Variants in SCAPER observed in about 807,000 individuals in gnomAD.
The protein encoded by SCAPER is S phase cyclin A-associated protein in the endoplasmic reticulum.
A neutral mutation model predicts 182.2 loss-of-function variants in SCAPER; 98 were observed. That is an observed-to-expected ratio of 0.54 (90% CI 0.46 to 0.64). SCAPER has a LOEUF of 0.64. Among genes scored for constraint, SCAPER ranks in the 30% least tolerant of loss-of-function variants. The pLI is 0.00. For missense variants in SCAPER, 1,432 were observed against 1,690.0 expected (o/e 0.85, Z 2.68); for synonymous variants, 605 against 564.6 (o/e 1.07, Z -1.01).
rs61586857 is a variant in SCAPER at position 76,397,007 on chromosome 15, G to GT, written c.3467+7516dup. Among the ~76,000 whole-genome samples the GT allele has an allele frequency of 9.3e-3, 1,125 of 121,138 alleles. 10 individuals carry two copies. The highest frequency in any genetic ancestry group is 0.011 in the East Asian group (42 of 3,948). The allele number at this position is 121,138 out of a possible 152,430, so 79.5% of individuals were successfully genotyped here. A position where few individuals can be genotyped will look rare whatever the true frequency, so the allele number is the denominator to read the frequency against. On this transcript the variant is annotated intron_variant, in intron 27 of 31. Coordinates refer to ENST00000563290, the MANE Select transcript of SCAPER (RefSeq NM_020843.4). ...TTCTTCTCAACCCAATTTTTTGAGA[G>GT]TTTTTTTTTTTTTTTTTTTTAAATC... is the stretch of plus-strand genomic sequence containing the variant.
chr15:76,568,374 C>T (rs892838463), intron 23 of SCAPER, among the ~76,000 whole-genome samples: 11 of 151,760 alleles, frequency 7.2e-5, no homozygotes, highest in African/African-American at 2.2e-4. Context: ...CCTCTCCCTG[C>T]GCCACAAGTC....
intron 29 of SCAPER, among the ~76,000 whole-genome samples, chr15:76,359,809 C>G (rs974676238): frequency 2.6e-5 from 4 of 152,202 alleles, no homozygotes; most frequent in African/African-American, 9.7e-5. Context: ...ATTGAATCCT[C>G]CATTGCTCTG....
chr15:76,779,863 G>A (rs2063991345), intron 8 of SCAPER, among the ~76,000 whole-genome samples: 1 of 152,184 alleles, frequency 6.6e-6, no homozygotes, highest in South Asian at 2.1e-4. Context: ...ATTTATTTCA[G>A]ATATGCCATC....
intron 23 of SCAPER, among the ~76,000 whole-genome samples, chr15:76,510,072 A>G (rs967983269): frequency 1.3e-4 from 20 of 152,232 alleles, no homozygotes; most frequent in Non-Finnish European, 2.2e-4. Context: ...TACAAAAATC[A>G]ACTCAAGATG....
chr15:76,699,549 G>A (rs896110491), intron 20 of SCAPER, among the ~76,000 whole-genome samples: 2 of 152,176 alleles, frequency 1.3e-5, no homozygotes, highest in Non-Finnish European at 2.9e-5. Flanking sequence ...ATGCCCTTGA[G>A]GGTTTGACTG....
intron 21 of SCAPER, among the ~76,000 whole-genome samples, chr15:76,638,204 T>C (rs1348994481): frequency 6.6e-6 from 1 of 152,196 alleles, no homozygotes; most frequent in Non-Finnish European, 1.5e-5. Flanking sequence ...TTCTGTTCAG[T>C]AAGGTCATCT....
At chr15:76,396,113 G>C (rs1275151952) in intron 27 of SCAPER, among the ~76,000 whole-genome samples, 2 of 152,024 alleles carry the variant, frequency 1.3e-5, no homozygotes, top group Non-Finnish European at 2.9e-5. Flanking sequence ...TTATGCTCTT[G>C]GCACCTTTGT....
intron 15 of SCAPER, among the ~76,000 whole-genome samples, chr15:76,746,304 T>C (rs2061790857): frequency 6.6e-6 from 1 of 152,224 alleles, no homozygotes; most frequent in African/African-American, 2.4e-5. Context: ...TTACAGTTGA[T>C]CCTCTGCATT....
At chr15:76,687,692 T>C (rs1250378306) in intron 20 of SCAPER, among the ~76,000 whole-genome samples, 12 of 152,192 alleles carry the variant, frequency 7.9e-5, no homozygotes, top group Non-Finnish European at 1.3e-4. Flanking sequence ...CATGCGGTGT[T>C]TGGTTTTCTG....
chr15:76,524,276 G>C (rs2043023017), intron 23 of SCAPER, among the ~76,000 whole-genome samples: 1 of 152,134 alleles, frequency 6.6e-6, no homozygotes, highest in Admixed American at 6.5e-5. Context: ...GTGGAGAATG[G>C]AGAGCCATGG....
At chr15:76,537,771 G>C (rs1033162540) in intron 23 of SCAPER, among the ~76,000 whole-genome samples, 8 of 152,122 alleles carry the variant, frequency 5.3e-5, no homozygotes, top group African/African-American at 1.7e-4. Context: ...TACCATCAGA[G>C]TGAACAGGCA....
intron 5 of SCAPER, among the ~76,000 whole-genome samples, chr15:76,823,660 G>A (rs577641019): frequency 5.3e-5 from 8 of 151,896 alleles, no homozygotes; most frequent in Admixed American, 2.0e-4. Context: ...ACAACCTTCT[G>A]AACAAAGAAG....
chr15:76,790,375 T>C (rs1351517746), intron 8 of SCAPER, among the ~76,000 whole-genome samples: 3 of 152,224 alleles, frequency 2.0e-5, no homozygotes, highest in Admixed American at 1.3e-4. Flanking sequence ...ATTCACGTTA[T>C]TTTTACCTTA....
intron 26 of SCAPER, among the ~76,000 whole-genome samples, chr15:76,424,568 T>G (rs542914694): frequency 9.8e-5 from 15 of 152,320 alleles, no homozygotes; most frequent in African/African-American, 3.6e-4. Context: ...TTGACTCTTA[T>G]CCAATTTGCC....
chr15:76,386,525 G>C (rs1237463020), intron 27 of SCAPER, among the ~76,000 whole-genome samples: 1 of 152,196 alleles, frequency 6.6e-6, no homozygotes, highest in Admixed American at 6.5e-5. Flanking sequence ...TGGTGTGACA[G>C]AGGAGCAAGG....
At chr15:76,452,300 A>G (rs1283712803) in intron 25 of SCAPER, among the ~76,000 whole-genome samples, 3 of 152,322 alleles carry the variant, frequency 2.0e-5, no homozygotes, top group Admixed American at 1.3e-4. Flanking sequence ...CAGTTGTAGT[A>G]GTCTTTTCCC....
In SCAPER at chr15:76,666,388, C is replaced by T. The variant is rs142526863; in HGVS notation, c.2509-599G>A. On this transcript the variant is annotated intron_variant, in intron 20 of 31. Transcript: ENST00000563290. Reference sequence around the variant, plus strand: ...CAGCAAAACTTTGGTTCAGCAAGAGCACATAGTGTTTGGTCAAGTTCCCCT... The same window carrying T: ...CAGCAAAACTTTGGTTCAGCAAGAGTACATAGTGTTTGGTCAAGTTCCCCT... 5.9e-5 allele frequency among the ~76,000 whole-genome samples: 9 copies of T among 152,262 alleles called. No individual in the cohort carries two copies. The East Asian group carries it at 1.7e-3, about 29-fold the overall frequency.
At chr15:76,464,469 G>C (rs1290508712) in intron 25 of SCAPER, among the ~76,000 whole-genome samples, 1 of 151,848 alleles carries the variant, frequency 6.6e-6, no homozygotes, top group Non-Finnish European at 1.5e-5. Flanking sequence ...TCAGCTCTGT[G>C]GAAGCTGCAT....
chr15:76,812,769 C>G (rs561482147), intron 5 of SCAPER, among the ~76,000 whole-genome samples: 25 of 151,756 alleles, frequency 1.6e-4, no homozygotes, highest in Non-Finnish European at 2.6e-4. Context: ...CCTAAACATG[C>G]CAGTAACAAA....
Sources: allele counts gnomAD v4.1 joint callset (sites outside exome capture counted in the v4.1 genomes callset), GRCh38; gene constraint gnomAD v4.1.1; transcripts MANE v1.5; gene names NCBI Gene and HGNC (gene_info 2026-07-23, HGNC 2026-07-21).